The following MB21D2 variants were observed in gnomAD, a reference collection of about 807,000 sequenced individuals.
MB21D2 encodes the protein nucleotidyltransferase MB21D2.
In MB21D2, 9 loss-of-function variants were observed where a neutral mutation model predicts 33.3. The observed-to-expected ratio is 0.27, with a 90% CI of 0.16 to 0.47. The LOEUF is 0.47. Ranked by LOEUF, MB21D2 falls within the 20% of genes least tolerant of loss-of-function variation. MB21D2 has a pLI of 0.99. For synonymous variants in MB21D2, 241 were observed against 236.3 expected, an observed-to-expected ratio of 1.02 and a Z score of -0.18; for missense variants, 540 against 624.6, an observed-to-expected ratio of 0.86 and a Z score of 1.44.
chr3:192,818,072 T>C (rs1295360091), intron 1 of MB21D2, among the ~76,000 whole-genome samples: 1 of 152,052 alleles, frequency 6.6e-6, no homozygotes, highest in African/African-American at 2.4e-5. Context: ...CTGCCAATTC[T>C]ACCCACCTAA....
intron 1 of MB21D2, among the ~76,000 whole-genome samples, chr3:192,858,519 A>T (rs1235656997): frequency 1.3e-5 from 2 of 152,262 alleles, no homozygotes; most frequent in Non-Finnish European, 2.9e-5. Context: ...AGTATTTTAC[A>T]AATAATGTTA....
At chr3:192,836,593 GCGGCCGT>G (rs1712444470) in intron 1 of MB21D2, among the ~76,000 whole-genome samples, 1 of 152,158 alleles carries the variant, frequency 6.6e-6, no homozygotes, top group Admixed American at 6.5e-5. Context: ...CAGCAAGCAG[GCGGCCGT>G]CTGCAAGCCA....
In MB21D2 at chr3:192,810,764, A is replaced by G. The variant is rs185896401; in HGVS notation, c.212-11114T>C. Reference sequence around the variant, plus strand: ...ACATCACTTTCTCAATTAGACACAGACATTTGTCTAAAGACTTTTTAAGTA... The same window carrying G: ...ACATCACTTTCTCAATTAGACACAGGCATTTGTCTAAAGACTTTTTAAGTA... On this transcript the variant is annotated intron_variant, in intron 1 of 1. Transcript: ENST00000392452. Among the ~76,000 whole-genome samples the G allele has an allele frequency of 1.5e-3, 230 of 152,354 alleles. 1 individual carries two copies. Among genetic ancestry groups the G allele is most frequent in the African/African-American group, 4.2e-3 (176 of 41,574 alleles).
At chr3:192,800,487 G>GCA (rs1711538242) in intron 1 of MB21D2, among the ~76,000 whole-genome samples, 1 of 152,134 alleles carries the variant, frequency 6.6e-6, no homozygotes, top group Non-Finnish European at 1.5e-5. Context: ...AACTGTACTA[G>GCA]CAGTCAGTAG....
At chr3:192,877,498 C>G (rs1713457174) in intron 1 of MB21D2, among the ~76,000 whole-genome samples, 1 of 152,230 alleles carries the variant, frequency 6.6e-6, no homozygotes, top group Non-Finnish European at 1.5e-5. Context: ...GTCCTCTACC[C>G]TGAGCTCTGC....
chr3:192,878,641 C>T (rs1374337179), intron 1 of MB21D2, among the ~76,000 whole-genome samples: 2 of 152,068 alleles, frequency 1.3e-5, no homozygotes, highest in South Asian at 4.2e-4. Context: ...TTTCGGTCCT[C>T]GGCAACATGC....
intron 1 of MB21D2, among the ~76,000 whole-genome samples, chr3:192,904,619 TAC>T (rs778246947): frequency 1.3e-5 from 2 of 152,162 alleles, no homozygotes; most frequent in Admixed American, 6.5e-5. Flanking sequence ...ATTCCAGAGT[TAC>T]AGAGTCAGAA....
chr3:192,896,270 C>G (rs191200264), intron 1 of MB21D2, among the ~76,000 whole-genome samples: 14 of 152,338 alleles, frequency 9.2e-5, no homozygotes, highest in Admixed American at 7.2e-4. Flanking sequence ...AGCTGTCCCA[C>G]ACAAGCTGTC....
At chr3:192,848,093 A>G (rs901912672) in intron 1 of MB21D2, among the ~76,000 whole-genome samples, 13 of 152,258 alleles carry the variant, frequency 8.5e-5, no homozygotes, top group African/African-American at 3.1e-4. Flanking sequence ...CATTACACAC[A>G]TATTTTAAAG....
At chr3:192,814,664 C>T (rs1225335996) in intron 1 of MB21D2, among the ~76,000 whole-genome samples, 1 of 151,924 alleles carries the variant, frequency 6.6e-6, no homozygotes, top group Admixed American at 6.6e-5. Flanking sequence ...AGATCGAGAC[C>T]ATCCTGGCTA....
At chr3:192,828,687 C>T (rs550025504) in intron 1 of MB21D2, among the ~76,000 whole-genome samples, 57 of 132,536 alleles carry the variant, frequency 4.3e-4, no homozygotes, top group African/African-American at 1.5e-3. Context: ...CTCGCTCTGT[C>T]GCCCAGGCTA....
At position 192,799,721 on chromosome 3, in the gene MB21D2, G is replaced by C; in HGVS notation, c.212-71C>G. 2.7e-6 allele frequency: 4 copies of C among 1,464,616 alleles called. No homozygotes were observed. The highest frequency in any genetic ancestry group is 3.6e-6 in the Non-Finnish European group (4 of 1,101,642). The allele number at this position is 1,464,616 out of a possible 1,614,324, so 90.7% of individuals were successfully genotyped here. A position where few individuals can be genotyped will look rare whatever the true frequency, so the allele number is the denominator to read the frequency against. ...ACATAAGAGTCTTATGCATGAAACA[G>C]AATGCTCTGATGTTCCAAGAACCAA... On this transcript the variant is annotated intron_variant, in intron 1 of 1. Coordinates refer to ENST00000392452, the MANE Select transcript of MB21D2 (RefSeq NM_178496.4). This position sits in a 1 kb window ranked among gnomAD's most constrained non-coding sequence, Gnocchi z 4.1.
intron 1 of MB21D2, among the ~76,000 whole-genome samples, chr3:192,904,621 C>G (rs1367530583): frequency 2.0e-5 from 3 of 152,166 alleles, no homozygotes; most frequent in Non-Finnish European, 2.9e-5. Context: ...TCCAGAGTTA[C>G]AGAGTCAGAA....
chr3:192,870,736 G>C (rs1005470140), intron 1 of MB21D2, among the ~76,000 whole-genome samples: 1 of 139,108 alleles, frequency 7.2e-6, no homozygotes, highest in East Asian at 2.0e-4. Context: ...AGAGAAGAAG[G>C]AAGGAAGGAA....
intron 1 of MB21D2, among the ~76,000 whole-genome samples, chr3:192,915,190 C>T (rs1414674153): frequency 6.6e-6 from 1 of 152,096 alleles, no homozygotes; most frequent in Admixed American, 6.6e-5. Flanking sequence ...ACCCCCCCGC[C>T]CTGAAATGAG....
intron 1 of MB21D2, among the ~76,000 whole-genome samples, chr3:192,854,113 T>C (rs1712868441): frequency 6.6e-6 from 1 of 152,122 alleles, no homozygotes; most frequent in African/African-American, 2.4e-5. Flanking sequence ...TCACCCTAAG[T>C]CGAAAGACAG....
At chr3:192,812,058 T>A (rs1025120902) in intron 1 of MB21D2, among the ~76,000 whole-genome samples, 6 of 152,150 alleles carry the variant, frequency 3.9e-5, no homozygotes, top group Admixed American at 6.5e-5. Flanking sequence ...TGCTTTTTTA[T>A]TTTTTTGGAG....
chr3:192,893,525 G>A (rs6765778), intron 1 of MB21D2, among the ~76,000 whole-genome samples: 77,111 of 152,066 alleles, frequency 0.51, 22,674 homozygotes, highest in East Asian at 0.81. Flanking sequence ...CACAGTAAGT[G>A]ACAGAAGAAG....
chr3:192,808,599 A>C (rs768974259), intron 1 of MB21D2, among the ~76,000 whole-genome samples: 1 of 152,212 alleles, frequency 6.6e-6, no homozygotes, highest in Non-Finnish European at 1.5e-5. Flanking sequence ...AGAGAGGATC[A>C]ATCAGAATCT....
Sources: gnomAD v4.1 joint callset for allele counts (sites outside exome capture counted in the v4.1 genomes callset) on GRCh38, gnomAD v4.1.1 for gene constraint, Gnocchi (gnomAD v3.1) non-coding constraint, MANE v1.5 for transcripts, NCBI Gene and HGNC (gene_info 2026-07-23, HGNC 2026-07-21) for gene names.